The following CABIN1 variants were observed in gnomAD, a reference collection of about 807,000 sequenced individuals.
The protein encoded by CABIN1 is calcineurin-binding protein cabin-1.
Under a neutral mutation model 227.7 loss-of-function variants are expected in CABIN1, and 133 were observed. The ratio of observed to expected loss-of-function variants is 0.58; its 90% CI spans 0.51 to 0.67. The LOEUF (loss-of-function observed/expected upper bound fraction) is 0.67. Ranked by LOEUF, CABIN1 falls within the 30% of genes least tolerant of loss-of-function variation. The probability of loss-of-function intolerance (pLI) is 0.00; values close to 1 mark genes in which losing one functional copy is unlikely to be tolerated. For missense variants in CABIN1, 2,408 were observed against 2,852.5 expected, an observed-to-expected ratio of 0.84 and a Z score of 3.55; for synonymous variants, 1,086 against 1,155.1, an observed-to-expected ratio of 0.94 and a Z score of 1.21.
At position 24,087,679 on chromosome 22, in the gene CABIN1, G is replaced by A; in HGVS notation, c.3491G>A (p.Trp1164Ter). The A allele has an allele frequency of 6.2e-7, 1 of 1,614,118 alleles. No homozygotes were observed. The highest frequency in any genetic ancestry group is 8.5e-7 in the Non-Finnish European group (1 of 1,180,038). Residue 1164 changes from tryptophan to a stop codon, truncating the protein, a stop_gained, in exon 23 of 37, where the codon TGG (tryptophan) becomes TAG (stop). Transcript: ENST00000263119. LOFTEE classifies it high-confidence loss of function. ...HSFASRQLKQ[W>*]RGELPPELVQ... ...TTCGCCTCACGTCAATTGAAGCAGT[G>A]GAGAGGCGAGCTGCCCCCTGAGCTC...
intron 5 of CABIN1, among the ~76,000 whole-genome samples, chr22:24,042,497 C>G (rs898574698): frequency 7.2e-5 from 11 of 152,110 alleles, no homozygotes; most frequent in African/African-American, 2.7e-4. Context: ...GAGAGGATTG[C>G]TTGAGCCCAG....
intron 24 of CABIN1, among the ~76,000 whole-genome samples, chr22:24,093,554 GA>G (rs1185128527): frequency 2.9e-5 from 4 of 139,578 alleles, no homozygotes; most frequent in Non-Finnish European, 3.1e-5. Context: ...AAAAAGAAAG[GA>G]AAAAAAAAAC....
At chr22:24,022,199 G>T (rs533926295) in intron 1 of CABIN1, among the ~76,000 whole-genome samples, 1 of 152,134 alleles carries the variant, frequency 6.6e-6, no homozygotes, top group Admixed American at 6.5e-5. Flanking sequence ...CACATGTGTA[G>T]ACTTGTTACC....
At chr22:24,042,108 C>T (rs2037425726) in intron 5 of CABIN1, among the ~76,000 whole-genome samples, 1 of 152,172 alleles carries the variant, frequency 6.6e-6, no homozygotes, top group African/African-American at 2.4e-5. Context: ...TGCACCACCA[C>T]CACACCCAGC....
intron 1 of CABIN1, chr22:24,011,838 T>C (rs2034836796): frequency 6.6e-6 from 1 of 152,154 alleles, no homozygotes; most frequent in Non-Finnish European, 1.5e-5. Context: ...AGACTGAAAA[T>C]TTTGACCGTT....
At chr22:24,071,776 T>C (rs968258342) in intron 17 of CABIN1, among the ~76,000 whole-genome samples, 1 of 152,186 alleles carries the variant, frequency 6.6e-6, no homozygotes, top group Non-Finnish European at 1.5e-5. Flanking sequence ...TAAGGTACAC[T>C]GAGCTCCAGG....
intron 3 of CABIN1, 61 bp downstream of exon 3, chr22:24,036,242 T>C (rs1887775215): frequency 8.3e-7 from 1 of 1,198,668 alleles, no homozygotes; most frequent in South Asian, 1.2e-5. Flanking sequence ...GGGAACCTCA[T>C]TTTAAATACA....
At chr22:24,057,197 A>G (rs1272111057) in intron 10 of CABIN1, among the ~76,000 whole-genome samples, 14 of 151,968 alleles carry the variant, frequency 9.2e-5, no homozygotes, top group Non-Finnish European at 1.8e-4. Context: ...CAACCTCCCA[A>G]AGTGCTGGGA....
chr22:24,141,780 G>A (rs376374031), intron 29 of CABIN1, among the ~76,000 whole-genome samples: 49 of 152,280 alleles, frequency 3.2e-4, no homozygotes, highest in African/African-American at 1.1e-3. Flanking sequence ...CCTACTTGGC[G>A]GCTGCCACAG....
In CABIN1 at chr22:24,035,524, A is replaced by C; in HGVS notation, c.3+4A>C. 1 of 1,614,124 alleles carries C rather than the reference A, an allele frequency of 6.2e-7. No individual in the cohort carries two copies. Among genetic ancestry groups the C allele is most frequent in the South Asian group, 1.1e-5 (1 of 91,080 alleles). On this transcript the variant is annotated splice_donor_region_variant and intron_variant, in intron 2 of 36. Transcript: ENST00000263119. ...GTGCTGAATCTCTCTGAATATGGTA[A>C]GGACTGATGCCTGCCTATTTTGCGG...
chr22:24,078,018 C>T (rs1234931777), intron 19 of CABIN1, among the ~76,000 whole-genome samples: 1 of 152,168 alleles, frequency 6.6e-6, no homozygotes, highest in Non-Finnish European at 1.5e-5. Flanking sequence ...TTACATTTCT[C>T]CAACCTTTGC....
chr22:24,133,132 C>T (rs1036024838), intron 28 of CABIN1, among the ~76,000 whole-genome samples: 14 of 152,160 alleles, frequency 9.2e-5, no homozygotes, highest in African/African-American at 3.1e-4. Context: ...AGACGGGAAG[C>T]TCACAGTGAA....
intron 29 of CABIN1, among the ~76,000 whole-genome samples, chr22:24,146,152 TG>T (rs2045102240): frequency 6.6e-6 from 1 of 152,142 alleles, no homozygotes; most frequent in South Asian, 2.1e-4. Flanking sequence ...AAGTTTAAAT[TG>T]AGGAAATAAG....
intron 16 of CABIN1, among the ~76,000 whole-genome samples, chr22:24,069,455 C>A (rs1436254769): frequency 6.6e-6 from 1 of 152,104 alleles, no homozygotes; most frequent in African/African-American, 2.4e-5. Flanking sequence ...TACTTTTTTG[C>A]TCTGTCTGGC....
At position 24,055,106 on chromosome 22, in the gene CABIN1, C is replaced by T. The variant is rs1402702154; in HGVS notation, c.1040C>T (p.Thr347Ile). ...GTGGTCTCCTACACCTCTGTGGCTA[C>T]AACCAGCTTCCCACTGCACAGTCCT... Reference protein sequence around the residue: ...EPVVSYTSVATTSFPLHSPGL... With the variant: ...EPVVSYTSVAITSFPLHSPGL... The change falls in exon 9 of 37, where the codon ACA becomes ATA. Residue 347 changes from threonine to isoleucine, a missense_variant. Coordinates refer to ENST00000263119, the MANE Select transcript of CABIN1 (RefSeq NM_012295.4). 1 of 1,614,068 alleles carries T rather than the reference C, an allele frequency of 6.2e-7. No homozygotes were observed. Among genetic ancestry groups the T allele is most frequent in the South Asian group, 1.1e-5 (1 of 91,090 alleles).
rs189793859 is a variant in CABIN1, at chr22:24,050,915, G to T, written c.747G>T (p.Ala249=). 2 of 1,614,200 alleles carry T rather than the reference G, an allele frequency of 1.2e-6. No homozygotes were observed. Among genetic ancestry groups the T allele is most frequent in the Non-Finnish European group, 1.7e-6 (2 of 1,180,034 alleles). Residue 249 remains alanine (A), a synonymous_variant, in exon 8 of 37, where the codon GCG becomes GCT. Transcript: ENST00000263119. The part of the protein sequence containing the change: ...EALGLRKKRQ[A]LIVREKEPDL... ...TGGGGCTGCGAAAAAAGAGGCAAGC[G>T]CTGATTGTGCGGGAGAAGGAGCCGG...
chr22:24,016,919 GTCT>G (rs2035330218), intron 1 of CABIN1, among the ~76,000 whole-genome samples: 1 of 151,306 alleles, frequency 6.6e-6, no homozygotes, highest in South Asian at 2.1e-4. Flanking sequence ...AGCTAGTTGC[GTCT>G]TCTTTTGTGA....
chr22:24,050,986 A>G lies in CABIN1; in HGVS notation c.806+12A>G, dbSNP rs371372161. ...ATTCCTTTCTTCACGTAGGTTGTCT[A>G]GCGTCTCTGGGAGTGCTGGGTCGGC... is the stretch of plus-strand genomic sequence containing the variant. On this transcript the variant is annotated intron_variant, in intron 8 of 36. Coordinates refer to ENST00000263119, the MANE Select transcript of CABIN1 (RefSeq NM_012295.4). 3.7e-6 allele frequency: 6 copies of G among 1,614,062 alleles called. No homozygotes were observed. Among genetic ancestry groups the G allele is most frequent in the Non-Finnish European group, 5.1e-6 (6 of 1,180,004 alleles).
intron 20 of CABIN1, among the ~76,000 whole-genome samples, 158 bp from the exon 21 acceptor site, chr22:24,084,420 AT>A (rs373405272): frequency 0.011 from 1,571 of 145,230 alleles, 32 homozygotes; most frequent in African/African-American, 0.035. Context: ...TGTAGTGCAG[AT>A]TTTTTTTTTT....
Sources: gnomAD v4.1 joint callset for allele counts (sites outside exome capture counted in the v4.1 genomes callset) on GRCh38, gnomAD v4.1.1 for gene constraint, MANE v1.5 for transcripts, NCBI Gene and HGNC (gene_info 2026-07-23, HGNC 2026-07-21) for gene names.